The following PXDNL variants were observed in gnomAD, a reference collection of about 807,000 sequenced individuals.
The protein encoded by PXDNL is probable oxidoreductase PXDNL.
Under a neutral mutation model 150.8 loss-of-function variants are expected in PXDNL, and 145 were observed. The observed-to-expected ratio is 0.96, with a 90% CI of 0.84 to 1.10. The LOEUF (loss-of-function observed/expected upper bound fraction) is 1.10, where lower values mean the gene tolerates loss of function less well. Among genes scored for constraint, PXDNL ranks in the 50% least tolerant of loss-of-function variants. The probability of loss-of-function intolerance (pLI) is 0.00; values close to 1 mark genes in which losing one functional copy is unlikely to be tolerated. For missense variants in PXDNL, 2,087 were observed against 1,873.9 expected (o/e 1.11, Z -2.10); for synonymous variants, 757 against 725.7 (o/e 1.04, Z -0.69).
intron 19 of PXDNL, among the ~76,000 whole-genome samples, chr8:51,358,978 T>C (rs1233371010): frequency 6.6e-6 from 1 of 152,198 alleles, no homozygotes; most frequent in African/African-American, 2.4e-5. Context: ...CGAGAGCTTC[T>C]GCCCTCAGAG....
At chr8:51,492,803 G>T (rs565872307) in intron 5 of PXDNL, among the ~76,000 whole-genome samples, 9 of 152,304 alleles carry the variant, frequency 5.9e-5, no homozygotes, top group Admixed American at 2.0e-4. Flanking sequence ...ACTGGGTGGA[G>T]CCCACCGCAG....
Position 51,562,726 on chromosome 8 carries a change from T to C in PXDNL, c.309-5815A>G, listed in dbSNP as rs190589284. On this transcript the variant is annotated intron_variant, in intron 3 of 22. Coordinates refer to ENST00000356297, the MANE Select transcript of PXDNL (RefSeq NM_144651.5). ...GAATAGAGTCTGTACCCTCATTTCCTGATGGTTGCTCTGGAAGATGACAGA... is the reference window on the plus strand; with the variant it reads ...GAATAGAGTCTGTACCCTCATTTCCCGATGGTTGCTCTGGAAGATGACAGA... Among the ~76,000 whole-genome samples, 159 of 152,084 alleles carry C rather than the reference T, an allele frequency of 1.0e-3. 2 individuals are homozygous for C. The highest frequency in any genetic ancestry group is 4.9e-4 in the Non-Finnish European group (33 of 67,932).
chr8:51,446,916 A>C lies in PXDNL; in HGVS notation c.1525+88T>G, dbSNP rs1275792992. ...TGACTATATATATATATATAGTCATATATGTCATAAGATCCCTGTCAGGTG... is the reference window on the plus strand; with the variant it reads ...TGACTATATATATATATATAGTCATCTATGTCATAAGATCCCTGTCAGGTG... On this transcript the variant is annotated intron_variant, in intron 12 of 22. Coordinates refer to ENST00000356297, the MANE Select transcript of PXDNL (RefSeq NM_144651.5). 67 of 1,095,804 alleles carry C rather than the reference A, an allele frequency of 6.1e-5. No homozygotes were observed. In the Admixed American group the frequency reaches 1.2e-3, roughly 20 times the overall value. The allele number at this position is 1,095,804 out of a possible 1,614,324, so 67.9% of individuals were successfully genotyped here. A position where few individuals can be genotyped will look rare whatever the true frequency, so the allele number is the denominator to read the frequency against.
At chr8:51,577,026 C>T (rs1169857248) in intron 3 of PXDNL, among the ~76,000 whole-genome samples, 2 of 151,884 alleles carry the variant, frequency 1.3e-5, no homozygotes, top group Non-Finnish European at 2.9e-5. Flanking sequence ...AAAAAGAAAT[C>T]TCCAGGCTCA....
At chr8:51,403,949 C>T (rs1001900784) in intron 17 of PXDNL, among the ~76,000 whole-genome samples, 1 of 152,180 alleles carries the variant, frequency 6.6e-6, no homozygotes, top group Admixed American at 6.5e-5. Context: ...TTCAGAGTTT[C>T]TTCCTTCTGG....
chr8:51,524,997 C>T (rs1811737565), intron 4 of PXDNL, among the ~76,000 whole-genome samples: 1 of 152,190 alleles, frequency 6.6e-6, no homozygotes, highest in Non-Finnish European at 1.5e-5. Context: ...GTGTGTTGAA[C>T]TCTTCCTGAT....
At chr8:51,539,321 A>T (rs900067043) in intron 4 of PXDNL, among the ~76,000 whole-genome samples, 4 of 152,072 alleles carry the variant, frequency 2.6e-5, no homozygotes, top group Non-Finnish European at 5.9e-5. Context: ...AAACTTACTT[A>T]TGCATGATAT....
intron 4 of PXDNL, among the ~76,000 whole-genome samples, chr8:51,541,586 A>G (rs1006966222): frequency 1.3e-5 from 2 of 152,130 alleles, no homozygotes; most frequent in Admixed American, 6.5e-5. Flanking sequence ...TGTCCGGCCA[A>G]AGATTTTAGG....
chr8:51,372,992 A>T (rs1213548642), intron 18 of PXDNL, among the ~76,000 whole-genome samples: 1 of 152,218 alleles, frequency 6.6e-6, no homozygotes, highest in East Asian at 1.9e-4. Context: ...AGAGCAGGAA[A>T]TTAAGATGGT....
At chr8:51,490,956 G>T (rs10958271) in intron 5 of PXDNL, among the ~76,000 whole-genome samples, 48,662 of 151,854 alleles carry the variant, frequency 0.32, 8,677 homozygotes, top group African/African-American at 0.47. Flanking sequence ...TGCCAAAGGA[G>T]ATTAACATTT....
In PXDNL at chr8:51,408,349, A is replaced by T. The variant is rs566662597; in HGVS notation, c.3275T>A (p.Ile1092Asn). The change falls in exon 17 of 23, where the codon ATC becomes AAC. Residue 1092 changes from isoleucine (I) to asparagine (N), a missense_variant. Coordinates refer to ENST00000356297, the MANE Select transcript of PXDNL (RefSeq NM_144651.5). ...HKALFSPSRI[I>N]KEGGIDPVLR... is the part of the protein sequence containing the mutation. ...AACCGGGTCTATCCCACCTTCCTTG[A>T]TTATTCTGGACGGTGAAAAGAGCGC... 6.9e-5 allele frequency: 112 copies of T among 1,613,910 alleles called. 2 individuals carry two copies. The South Asian group carries it at 1.2e-3, about 17-fold the overall frequency.
At chr8:51,455,734 G>A (rs1468894863) in intron 9 of PXDNL, among the ~76,000 whole-genome samples, 1 of 152,112 alleles carries the variant, frequency 6.6e-6, no homozygotes, top group Non-Finnish European at 1.5e-5. Context: ...GGCTTTGGAA[G>A]GAGACAGTGG....
chr8:51,388,537 C>T (rs1807797233), intron 17 of PXDNL, among the ~76,000 whole-genome samples: 1 of 152,128 alleles, frequency 6.6e-6, no homozygotes, highest in Admixed American at 6.5e-5. Context: ...CATTCTACTT[C>T]CTAAGTGAGA....
intron 3 of PXDNL, among the ~76,000 whole-genome samples, chr8:51,560,277 T>C (rs1380224736): frequency 6.6e-6 from 1 of 151,846 alleles, no homozygotes; most frequent in Admixed American, 6.6e-5. Flanking sequence ...CCTATCAGCA[T>C]TTCAATGGCA....
At chr8:51,772,173 C>G (rs79691523) in intron 1 of PXDNL, among the ~76,000 whole-genome samples, 27,097 of 151,538 alleles carry the variant, frequency 0.18, 2,824 homozygotes, top group Non-Finnish European at 0.22. Flanking sequence ...AGCAGCACTG[C>G]CTGGCTCTGG....
At position 51,325,029 on chromosome 8, in the gene PXDNL, C is replaced by G. The variant is rs1805441205; in HGVS notation, c.4147-4132G>C. Among the ~76,000 whole-genome samples, 3 of 152,128 alleles carry G rather than the reference C, an allele frequency of 2.0e-5. No homozygotes were observed. The South Asian group carries it at 6.2e-4, about 31-fold the overall frequency. ...TACAGGCATGCACCACCACACCCGG[C>G]TAATTTTTGTATTTTTAGTAGAGAT... On this transcript the variant is annotated intron_variant, in intron 21 of 22. Transcript: ENST00000356297.
rs1442884269 is a variant in PXDNL, at chr8:51,457,680, G to A, written c.813-13C>T. On this transcript the variant is annotated splice_polypyrimidine_tract_variant and intron_variant, in intron 8 of 22. Coordinates refer to ENST00000356297, the MANE Select transcript of PXDNL (RefSeq NM_144651.5). Reference sequence around the variant, plus strand: ...ATCCAATGAGTGGCTGGAAATATAGGTTATACATGTATATTATTTAATCCC... The same window carrying A: ...ATCCAATGAGTGGCTGGAAATATAGATTATACATGTATATTATTTAATCCC... 14 of 1,597,916 alleles carry A rather than the reference G, an allele frequency of 8.8e-6. No homozygotes were observed. The highest frequency in any genetic ancestry group is 1.2e-5 in the Non-Finnish European group (14 of 1,167,450).
At chr8:51,733,498 G>A (rs1016084630) in intron 1 of PXDNL, among the ~76,000 whole-genome samples, 10 of 152,176 alleles carry the variant, frequency 6.6e-5, no homozygotes, top group African/African-American at 1.9e-4. Context: ...AACAAAGTGA[G>A]GGAGGAATAT....
chr8:51,648,710 C>T (rs1814974369), intron 2 of PXDNL, among the ~76,000 whole-genome samples: 1 of 152,084 alleles, frequency 6.6e-6, no homozygotes, highest in Admixed American at 6.5e-5. Flanking sequence ...TTAATCATTA[C>T]ATTAATTATA....
Sources: gnomAD v4.1 joint callset for allele counts (sites outside exome capture counted in the v4.1 genomes callset) on GRCh38, gnomAD v4.1.1 for gene constraint, MANE v1.5 for transcripts, NCBI Gene and HGNC (gene_info 2026-07-23, HGNC 2026-07-21) for gene names.